The following RBM12B variants were observed in gnomAD, a reference collection of about 807,000 sequenced individuals.
RBM12B encodes the protein RNA binding motif protein 12B.
A neutral mutation model predicts 34.3 loss-of-function variants in RBM12B; 10 were observed. That is an observed-to-expected ratio of 0.29 (90% CI 0.18 to 0.49). The LOEUF (loss-of-function observed/expected upper bound fraction) is 0.49. Ranked by LOEUF, RBM12B falls within the 20% of genes least tolerant of loss-of-function variation. The pLI, the probability that RBM12B is intolerant of heterozygous loss-of-function variation, is 0.99. For synonymous variants in RBM12B, 477 were observed against 437.1 expected, an observed-to-expected ratio of 1.09 and a Z score of -1.14; for missense variants, 1,139 against 1,262.7, an observed-to-expected ratio of 0.90 and a Z score of 1.48.
Position 93,735,181 on chromosome 8 carries a change from A to T in RBM12B, c.1230T>A (p.Asp410Glu). 1 of 1,614,140 alleles carries T rather than the reference A, an allele frequency of 6.2e-7. No homozygotes were observed. Among genetic ancestry groups the T allele is most frequent in the Non-Finnish European group, 8.5e-7 (1 of 1,180,046 alleles). ...LCIYIRNFPF[D>E]VTKVEVQKFF... ...ACTTCTGCACTTCAACTTTTGTAAC[A>T]TCAAATGGAAAATTTCTTATATAGA... The change falls in exon 4 of 4, where the codon GAT becomes GAA. Residue 410 changes from aspartate to glutamate, a missense_variant. Coordinates refer to ENST00000520560, the MANE Select transcript of RBM12B (RefSeq NM_001377960.1).
Position 93,729,507 on chromosome 8 carries a change from T to C in RBM12B, c.*3898A>G, listed in dbSNP as rs1280280237. On this transcript the variant is annotated 3_prime_UTR_variant, in exon 4 of 4. Transcript: ENST00000520560. ...ACTAAATAGCAACTTCTCTTGAGCA[T>C]TATTTGCCTTGTTTGTAAAGTTAAA... 6.6e-6 allele frequency: 1 copy of C among 152,200 alleles called. No homozygotes were observed. Among genetic ancestry groups the C allele is most frequent in the Non-Finnish European group, 1.5e-5 (1 of 68,014 alleles). 9.4% of individuals were successfully genotyped at this position (152,200 alleles called of 1,614,324 possible).
chr8:93,736,887 A>T (rs540143085), intron 3 of RBM12B, among the ~76,000 whole-genome samples: 164 of 152,370 alleles, frequency 1.1e-3, no homozygotes, highest in African/African-American at 3.8e-3. Flanking sequence ...ATGATAATAA[A>T]TTGCCTACCA....
rs775657238 is a variant in RBM12B, at chr8:93,735,211, C to G, written c.1200G>C (p.Leu400=). The part of the protein sequence containing the change: ...YSQEGNSGQK[L]CIYIRNFPFD... Reference sequence around the variant, plus strand: ...ATGGAAAATTTCTTATATAGATGCACAGTTTCTGGCCAGAGTTACCTTCTT... The same window carrying G: ...ATGGAAAATTTCTTATATAGATGCAGAGTTTCTGGCCAGAGTTACCTTCTT... Residue 400 remains leucine (L), a synonymous_variant, in exon 4 of 4, where the codon CTG becomes CTC. Coordinates refer to ENST00000520560, the MANE Select transcript of RBM12B (RefSeq NM_001377960.1). 4.3e-6 allele frequency: 7 copies of G among 1,613,982 alleles called. No homozygotes were observed. Among genetic ancestry groups the G allele is most frequent in the African/African-American group, 1.3e-5 (1 of 74,928 alleles).
rs773629831 is a variant in RBM12B, at chr8:93,735,157, C to G, written c.1254G>C (p.Lys418Asn). The part of the protein sequence containing the change: ...PFDVTKVEVQ[K>N]FFADFLLAED... ...CAGCAAGAAGAAAGTCTGCAAAGAA[C>G]TTCTGCACTTCAACTTTTGTAACAT... The change falls in exon 4 of 4, where the codon AAG becomes AAC. Residue 418 changes from lysine (K) to asparagine (N), a missense_variant. Lys to Asn is a moderately conservative substitution (Grantham distance 94, BLOSUM62 0). Transcript: ENST00000520560. 3.7e-6 allele frequency: 6 copies of G among 1,614,102 alleles called. No homozygotes were observed. Among genetic ancestry groups the G allele is most frequent in the Non-Finnish European group, 5.1e-6 (6 of 1,179,988 alleles).
In RBM12B at chr8:93,735,535, G is replaced by C. The variant is rs192858354; in HGVS notation, c.876C>G (p.Ser292=). 89 of 1,613,992 alleles carry C rather than the reference G, an allele frequency of 5.5e-5. 1 individual carries two copies. In the African/African-American group the frequency reaches 1.0e-3, roughly 19 times the overall value. The part of the protein sequence containing the change: ...LGFYVHLKNL[S]LSIDERDLRN... ...TTAAATCTCTTTCGTCAATACTGAGGGACAGATTTTTTAAGTGAACATAAA... is the reference window on the plus strand; with the variant it reads ...TTAAATCTCTTTCGTCAATACTGAGCGACAGATTTTTTAAGTGAACATAAA... Residue 292 remains serine (S), a synonymous_variant, in exon 4 of 4, where the codon TCC becomes TCG. Coordinates refer to ENST00000520560, the MANE Select transcript of RBM12B (RefSeq NM_001377960.1).
Position 93,728,395 on chromosome 8 carries a change from A to C in RBM12B, c.*5010T>G. 1 of 726,292 alleles carries C rather than the reference A, an allele frequency of 1.4e-6. No homozygotes were observed. Among genetic ancestry groups the C allele is most frequent in the Non-Finnish European group, 2.2e-6 (1 of 464,402 alleles). 45.0% of individuals were successfully genotyped at this position (726,292 alleles called of 1,614,324 possible). ...TTTGCTATGTTAAGCCTCAAAGTGA[A>C]GTCCAACTGGAAACAGAAAAATAAT... is the stretch of plus-strand genomic sequence containing the variant. On this transcript the variant is annotated 3_prime_UTR_variant, in exon 4 of 4. Transcript: ENST00000520560.
In RBM12B at chr8:93,733,993, T is replaced by C. The variant is rs202229340; in HGVS notation, c.2418A>G (p.Pro806=). 4.0e-5 allele frequency: 64 copies of C among 1,612,092 alleles called. No homozygotes were observed. In the African/African-American group the frequency reaches 7.5e-4, roughly 19 times the overall value. ...GAGGGCCCCTGAAGTCTTCATCTGG[T>C]GGGTGCCTGAAATCTTCCTCTCGGG... ...RRSREEDFRH[P]PDEDFRGPPD... is the part of the protein sequence containing the mutation. The change falls in exon 4 of 4, where the codon CCA becomes CCG. Residue 806 remains proline (P), a synonymous_variant. Coordinates refer to ENST00000520560, the MANE Select transcript of RBM12B (RefSeq NM_001377960.1).
At chr8:93,738,439 A>G (rs1182013436) in intron 2 of RBM12B, among the ~76,000 whole-genome samples, 1 of 152,224 alleles carries the variant, frequency 6.6e-6, no homozygotes, top group Non-Finnish European at 1.5e-5. Context: ...CTTGCCAAAT[A>G]AATAATTATA....
At chr8:93,739,933 G>A (rs1812141998) in intron 2 of RBM12B, among the ~76,000 whole-genome samples, 1 of 152,188 alleles carries the variant, frequency 6.6e-6, no homozygotes, top group South Asian at 2.1e-4. Context: ...AGGGAAACGG[G>A]AGGGAGACAG....
intron 2 of RBM12B, chr8:93,740,346 C>G (rs1424625963): frequency 4.4e-6 from 2 of 457,286 alleles, no homozygotes; most frequent in Non-Finnish European, 8.8e-6. Context: ...TCCCAGGGGT[C>G]AGAGCTTCCT....
Position 93,733,239 on chromosome 8 carries a change from A to C in RBM12B, c.*166T>G, listed in dbSNP as rs1327120803. ...AAAAAAAGAATGGCAATTTGCAAGC[A>C]AAAGAAAACCAGATTCACATTCTAC... On this transcript the variant is annotated 3_prime_UTR_variant, in exon 4 of 4. Transcript: ENST00000520560. The C allele has an allele frequency of 4.2e-6, 2 of 481,838 alleles. No homozygotes were observed. Among genetic ancestry groups the C allele is most frequent in the East Asian group, 3.6e-5 (1 of 27,506 alleles). 29.8% of individuals were successfully genotyped at this position (481,838 alleles called of 1,614,324 possible).
Position 93,729,945 on chromosome 8 carries a change from CTT to C in RBM12B, c.*3458_*3459del, listed in dbSNP as rs1288730222. On this transcript the variant is annotated 3_prime_UTR_variant, in exon 4 of 4. Transcript: ENST00000520560. ...TGCTTGGGACCAGAAGTATTTAAGA[CTT>C]TGGATTTCTTCAGATTTTGGAGTAT... 1 of 152,116 alleles carries C rather than the reference CTT, an allele frequency of 6.6e-6. No individual in the cohort carries two copies. Among genetic ancestry groups the C allele is most frequent in the Admixed American group, 6.5e-5 (1 of 15,282 alleles). 9.4% of individuals were successfully genotyped at this position (152,116 alleles called of 1,614,324 possible).
chr8:93,730,082 G>A lies in RBM12B; in HGVS notation c.*3323C>T, dbSNP rs557430876. 24 of 152,120 alleles carry A rather than the reference G, an allele frequency of 1.6e-4. No individual in the cohort carries two copies. The highest frequency in any genetic ancestry group is 7.2e-4 in the Admixed American group (11 of 15,284). The allele number at this position is 152,120 out of a possible 1,614,324, so 9.4% of individuals were successfully genotyped here. On this transcript the variant is annotated 3_prime_UTR_variant, in exon 4 of 4. Transcript: ENST00000520560. ...GGCACTCAAAAAGTTTGTGATTTTC[G>A]GAGCATGTGAAATTTCAGATTACCA...
In RBM12B at chr8:93,730,620, G is replaced by C. The variant is rs1811752317; in HGVS notation, c.*2785C>G. On this transcript the variant is annotated 3_prime_UTR_variant, in exon 4 of 4. Coordinates refer to ENST00000520560, the MANE Select transcript of RBM12B (RefSeq NM_001377960.1). ...GTGCTGGGAAGCTGGCTTTCTGAGG[G>C]GACAACAGGAGGGGAATTCCTTGAT... The C allele has an allele frequency of 6.6e-6, 1 of 151,912 alleles. No individual in the cohort carries two copies. The highest frequency in any genetic ancestry group is 2.4e-5 in the African/African-American group (1 of 41,328). The allele number at this position is 151,912 out of a possible 1,614,324, so 9.4% of individuals were successfully genotyped here. A position where few individuals can be genotyped will look rare whatever the true frequency, so the allele number is the denominator to read the frequency against.
intron 1 of RBM12B, 30 bp from the exon 2 acceptor site, chr8:93,740,726 G>C: frequency 5.6e-6 from 2 of 356,788 alleles, no homozygotes; most frequent in South Asian, 4.3e-5. Flanking sequence ...CGGTGTTTTA[G>C]CAAGAAAAGA....
chr8:93,735,295 C>G lies in RBM12B; in HGVS notation c.1116G>C (p.Lys372Asn). Reference sequence around the variant, plus strand: ...CTCTCTCTAGTGACCCTGATCTCTTCTTTTCATAACGTGCAATGAACTTCA... The same window carrying G: ...CTCTCTCTAGTGACCCTGATCTCTTGTTTTCATAACGTGCAATGAACTTCA... Reference protein sequence around the residue: ...QMLKFIARYEKKRSGSLERDR... With the variant: ...QMLKFIARYENKRSGSLERDR... The change falls in exon 4 of 4, where the codon AAG (lysine) becomes AAC (asparagine). Residue 372 changes from lysine (K) to asparagine (N), a missense_variant. Around this residue, in one of 3 missense-constraint regions of RBM12B, gnomAD observed 863 missense variants for 869.5 expected, o/e 0.99. Transcript: ENST00000520560. 1 of 1,614,016 alleles carries G rather than the reference C, an allele frequency of 6.2e-7. No homozygotes were observed. The highest frequency in any genetic ancestry group is 8.5e-7 in the Non-Finnish European group (1 of 1,180,014).
At position 93,733,821 on chromosome 8, in the gene RBM12B, T is replaced by G. The variant is rs16916188; in HGVS notation, c.2590A>C (p.Asn864His). 79,782 of 1,614,034 alleles carry G rather than the reference T, an allele frequency of 0.049. 2,090 individuals are homozygous for G. Among genetic ancestry groups the G allele is most frequent in the South Asian group, 0.064 (5,838 of 91,076 alleles). The change falls in exon 4 of 4, where the codon AAT (asparagine) becomes CAT (histidine). Residue 864 changes from asparagine to histidine, a missense_variant. Transcript: ENST00000520560. ...AAATCCTCACCAGGAGGTCTAAAATTGTCAGGAAGTCTAGGGTCCTCCTCC... is the reference window on the plus strand; with the variant it reads ...AAATCCTCACCAGGAGGTCTAAAATGGTCAGGAAGTCTAGGGTCCTCCTCC... ...APEEDPRLPD[N>H]FRPPGEDFRS...
chr8:93,731,268 C>T lies in RBM12B; in HGVS notation c.*2137G>A, dbSNP rs1811781760. The T allele has an allele frequency of 1.3e-5, 2 of 152,238 alleles. No individual in the cohort carries two copies. The highest frequency in any genetic ancestry group is 4.8e-5 in the African/African-American group (2 of 41,462). 9.4% of individuals were successfully genotyped at this position (152,238 alleles called of 1,614,324 possible). A position where few individuals can be genotyped will look rare whatever the true frequency, so the allele number is the denominator to read the frequency against. ...AATGCAATTCCACAGTAAGTAATCC[C>T]TCACGTTAAGCTTCATCTTAGCTTT... On this transcript the variant is annotated 3_prime_UTR_variant, in exon 4 of 4. Coordinates refer to ENST00000520560, the MANE Select transcript of RBM12B (RefSeq NM_001377960.1).
At position 93,728,230 on chromosome 8, in the gene RBM12B, A is replaced by T. The variant is rs1447421856; in HGVS notation, c.*5175T>A. 6.3e-7 allele frequency: 1 copy of T among 1,596,688 alleles called. No homozygotes were observed. Among genetic ancestry groups the T allele is most frequent in the Non-Finnish European group, 8.5e-7 (1 of 1,174,816 alleles). On this transcript the variant is annotated 3_prime_UTR_variant, in exon 4 of 4. Coordinates refer to ENST00000520560, the MANE Select transcript of RBM12B (RefSeq NM_001377960.1). ...GTATCCACTTGTCGACTAAGAAAGG[A>T]TCAACAAGCAGAAGATGATGAGGAT...
Sources: allele counts gnomAD v4.1 joint callset (sites outside exome capture counted in the v4.1 genomes callset), GRCh38; gene constraint gnomAD v4.1.1; regional missense constraint gnomAD v4.1.1; transcripts MANE v1.5; gene names NCBI Gene and HGNC (gene_info 2026-07-23, HGNC 2026-07-21).